ADGRL2: variants seen among roughly 807,000 people sequenced by gnomAD.
ADGRL2 encodes adhesion G protein-coupled receptor L2, also known as calcium-independent alpha-latrotoxin receptor 2.
A neutral mutation model predicts 157.4 loss-of-function variants in ADGRL2; 44 were observed. The observed-to-expected ratio is 0.28, with a 90% confidence interval of 0.22 to 0.36. The LOEUF is 0.36. Ranked by LOEUF, ADGRL2 falls within the 10% of genes least tolerant of loss-of-function variation. The pLI, the probability that ADGRL2 is intolerant of heterozygous loss-of-function variation, is 1.00. For synonymous variants in ADGRL2, 585 were observed against 624.7 expected (o/e 0.94, Z 0.95); for missense variants, 1,510 against 1,768.9 (o/e 0.85, Z 2.63).
intron 3 of ADGRL2, among the ~76,000 whole-genome samples, chr1:81,651,173 A>G (rs1303754140): frequency 6.6e-6 from 1 of 152,204 alleles, no homozygotes; most frequent in Admixed American, 6.5e-5. Context: ...TTTGCAAAAT[A>G]GCTTGGAAAT....
Position 81,943,413 on chromosome 1 carries a change from A to G in ADGRL2, c.854A>G (p.Gln285Arg), listed in dbSNP as rs1184601410. Residue 285 changes from glutamine to arginine, a missense_variant, in exon 6 of 24, where the codon CAG (glutamine) becomes CGG (arginine). This residue lies in a region of ADGRL2 where 361 missense variants were observed against 498.4 expected (regional missense o/e 0.72). Transcript: ENST00000686636. The surrounding 1 kb of genome is among the most constrained non-coding windows in gnomAD (Gnocchi z 5.6). ...TTATGGGTCATTTACGCCACTGAAC[A>G]GAACAATGGAATGATAGTTATTAGC... is the stretch of plus-strand genomic sequence containing the variant. ...NGLWVIYATE[Q>R]NNGMIVISQL... The G allele has an allele frequency of 6.2e-7, 1 of 1,613,766 alleles. No homozygotes were observed. Among genetic ancestry groups the G allele is most frequent in the Admixed American group, 1.7e-5 (1 of 59,942 alleles).
chr1:81,548,566 C>G (rs2080074280), intron 2 of ADGRL2, among the ~76,000 whole-genome samples: 1 of 151,966 alleles, frequency 6.6e-6, no homozygotes, highest in Admixed American at 6.6e-5. Context: ...GGTTGACTTG[C>G]CATTTTTAAG....
chr1:81,772,299 T>G (rs1055378899), intron 2 of ADGRL2, among the ~76,000 whole-genome samples: 1 of 151,212 alleles, frequency 6.6e-6, no homozygotes, highest in South Asian at 2.1e-4. Context: ...TCATTGTTAA[T>G]AACATGTAAG....
chr1:81,988,139 G>A lies in ADGRL2; in HGVS notation c.3655+253G>A, dbSNP rs554540832. On this transcript the variant is annotated intron_variant, in intron 23 of 23. Coordinates refer to ENST00000686636, the MANE Select transcript of ADGRL2 (RefSeq NM_001366006.2). ...ATGCTGAAATAATTTGCTCTATAAA[G>A]CCTGAAGTACTGTCAACCAAAATGC... 4.6e-5 allele frequency among the ~76,000 whole-genome samples: 7 copies of A among 152,174 alleles called. No individual in the cohort carries two copies. The East Asian group carries it at 1.2e-3, about 25-fold the overall frequency.
intron 3 of ADGRL2, among the ~76,000 whole-genome samples, chr1:81,632,225 A>ACTGAGC (rs2082023123): frequency 6.6e-6 from 1 of 152,234 alleles, no homozygotes; most frequent in Non-Finnish European, 1.5e-5. Flanking sequence ...ACACATATTT[A>ACTGAGC]GACTGAGCTT....
intron 1 of ADGRL2, among the ~76,000 whole-genome samples, chr1:81,734,464 A>G (rs1437643067): frequency 7.0e-6 from 1 of 142,628 alleles, no homozygotes; most frequent in African/African-American, 2.6e-5. Flanking sequence ...AGAGACATGG[A>G]ACAGATTTTC....
chr1:81,760,798 A>G (rs1188725311), intron 1 of ADGRL2, among the ~76,000 whole-genome samples: 1 of 151,882 alleles, frequency 6.6e-6, no homozygotes, highest in Non-Finnish European at 1.5e-5. Flanking sequence ...AATTCCATGT[A>G]AAATAAAGTA....
At chr1:81,490,106 A>G (rs1019302495) in intron 2 of ADGRL2, among the ~76,000 whole-genome samples, 1 of 151,660 alleles carries the variant, frequency 6.6e-6, no homozygotes, top group Admixed American at 6.6e-5. Context: ...TGTTTTCTAC[A>G]TGATTTGAGC....
intron 1 of ADGRL2, among the ~76,000 whole-genome samples, chr1:81,710,639 A>C (rs1450777209): frequency 6.6e-6 from 1 of 151,300 alleles, no homozygotes; most frequent in Admixed American, 6.6e-5. Context: ...AAAAAAAAAA[A>C]AAAAAGAACT....
chr1:81,754,263 GGTTCA>G (rs1421758631), intron 1 of ADGRL2, among the ~76,000 whole-genome samples: 4 of 134,082 alleles, frequency 3.0e-5, no homozygotes, highest in Non-Finnish European at 6.2e-5. Flanking sequence ...CAGTGTAGTA[GGTTCA>G]AAATCCAACT....
chr1:81,503,536 T>C (rs2078901577), intron 2 of ADGRL2: 7 of 1,556,884 alleles, frequency 4.5e-6, no homozygotes, highest in Non-Finnish European at 6.1e-6. Flanking sequence ...TGCACAGAAT[T>C]TACCTCATCT....
intron 2 of ADGRL2, among the ~76,000 whole-genome samples, chr1:81,518,301 C>T (rs763747742): frequency 4.3e-4 from 66 of 152,284 alleles, no homozygotes; most frequent in South Asian, 1.2e-3. Context: ...CTCTTTAGTC[C>T]TCATCGTGTC....
intron 3 of ADGRL2, among the ~76,000 whole-genome samples, chr1:81,645,396 C>CAAAA (rs374061248): frequency 4.2e-5 from 4 of 94,834 alleles, no homozygotes; most frequent in Non-Finnish European, 7.8e-5. Context: ...GATCCTGTCT[C>CAAAA]AAAAAAAAAA....
chr1:81,653,045 T>C (rs2082453721), intron 3 of ADGRL2, among the ~76,000 whole-genome samples: 1 of 152,198 alleles, frequency 6.6e-6, no homozygotes, highest in Admixed American at 6.6e-5. Context: ...AACATATTCC[T>C]GTGGTCTCTG....
chr1:81,347,138 C>A (rs762345565), intron 1 of ADGRL2, among the ~76,000 whole-genome samples: 1 of 152,108 alleles, frequency 6.6e-6, no homozygotes, highest in Non-Finnish European at 1.5e-5. Context: ...GTGGCTCATG[C>A]CTGTAATCTC....
At chr1:81,741,755 C>A (rs1222289492) in intron 1 of ADGRL2, among the ~76,000 whole-genome samples, 4 of 151,906 alleles carry the variant, frequency 2.6e-5, no homozygotes, top group African/African-American at 4.8e-5. Flanking sequence ...TCTTTGATGT[C>A]AGAGCCATGC....
chr1:81,450,244 C>A (rs1384284810), intron 2 of ADGRL2, among the ~76,000 whole-genome samples: 6 of 152,072 alleles, frequency 3.9e-5, no homozygotes, highest in Non-Finnish European at 8.8e-5. Flanking sequence ...AGAAGGAAAA[C>A]CAAAATTTGA....
intron 1 of ADGRL2, among the ~76,000 whole-genome samples, chr1:81,760,355 C>G (rs191781916): frequency 6.6e-6 from 1 of 152,216 alleles, no homozygotes; most frequent in Admixed American, 6.5e-5. Context: ...ATAATTAAAT[C>G]TAACCCCTTT....
chr1:81,888,409 A>G (rs540006907), intron 2 of ADGRL2, among the ~76,000 whole-genome samples: 1 of 152,180 alleles, frequency 6.6e-6, no homozygotes, highest in Non-Finnish European at 1.5e-5. Context: ...TGTTTTATTG[A>G]GCTTTGTAGA....
Sources: allele counts gnomAD v4.1 joint callset (sites outside exome capture counted in the v4.1 genomes callset), GRCh38; gene constraint gnomAD v4.1.1; regional missense constraint gnomAD v4.1.1; non-coding constraint Gnocchi (gnomAD v3.1); transcripts MANE v1.5; gene names NCBI Gene and HGNC (gene_info 2026-07-23, HGNC 2026-07-21).